Variants in AGMO observed in about 807,000 individuals in gnomAD.
AGMO encodes the protein alkylglycerol monooxygenase.
AGMO carries 75 observed loss-of-function variants against 60.2 expected under a neutral mutation model. That is an observed-to-expected ratio of 1.25 (90% CI 1.03 to 1.51). The LOEUF is 1.51. Ranked by LOEUF, AGMO falls within the 40% of genes most tolerant of loss-of-function variation. AGMO has a pLI of 0.00. For synonymous variants in AGMO, 261 were observed against 177.1 expected (o/e 1.47, Z -3.76); for missense variants, 763 against 525.5 (o/e 1.45, Z -4.42).
chr7:15,252,188 G>T (rs1007065328), intron 12 of AGMO, among the ~76,000 whole-genome samples: 6 of 152,172 alleles, frequency 3.9e-5, no homozygotes, highest in African/African-American at 1.4e-4. Context: ...TAGTATGTAA[G>T]AAGTTGGTAA....
chr7:15,419,993 G>A (rs1319813318), intron 4 of AGMO, among the ~76,000 whole-genome samples: 1 of 152,038 alleles, frequency 6.6e-6, no homozygotes, highest in African/African-American at 2.4e-5. Flanking sequence ...TATGGCCTAT[G>A]ATATAAGTCC....
chr7:15,192,187 G>A, the AGMO span, among the ~76,000 whole-genome samples: 101 of 152,016 alleles, frequency 6.6e-4, no homozygotes, highest in African/African-American at 2.2e-3. Context: ...CCTGGAAACC[G>A]TGACCCTAAA....
chr7:15,473,739 T>C (rs1353597868), intron 3 of AGMO, among the ~76,000 whole-genome samples: 2 of 151,870 alleles, frequency 1.3e-5, no homozygotes, highest in African/African-American at 2.4e-5. Context: ...AAGAAATAAA[T>C]GGTATTCAAA....
Position 15,366,144 on chromosome 7 carries a change from G to C in AGMO, c.1153C>G (p.Gln385Glu), listed in dbSNP as rs1311903124. ...TLTSIGFLLD[Q>E]RPKAAIMETL... ...TGCAAGAATTTCACTTCTTGCCTTT[G>C]ATCCAGAAGAAATCCAATGGAAGTC... Residue 385 changes from glutamine to glutamate, a missense_variant, in exon 11 of 13, where the codon CAA becomes GAA. Gln to Glu is a conservative substitution (Grantham distance 29). Coordinates refer to ENST00000342526, the MANE Select transcript of AGMO (RefSeq NM_001004320.2). 2.5e-6 allele frequency: 4 copies of C among 1,604,718 alleles called. No homozygotes were observed. Among genetic ancestry groups the C allele is most frequent in the East Asian group, 2.3e-5 (1 of 44,296 alleles).
At chr7:15,430,436 G>C (rs1440419812) in intron 4 of AGMO, among the ~76,000 whole-genome samples, 1 of 151,618 alleles carries the variant, frequency 6.6e-6, no homozygotes, top group Non-Finnish European at 1.5e-5. Flanking sequence ...TTCCCCATGA[G>C]TCAAAAGAAC....
intron 12 of AGMO, among the ~76,000 whole-genome samples, chr7:15,235,091 A>G (rs567045561): frequency 9.9e-5 from 15 of 152,200 alleles, no homozygotes; most frequent in African/African-American, 3.6e-4. Context: ...AGATTCTGCA[A>G]ATCTATAGAA....
chr7:15,354,445 CGTGTGTGT>C (rs1782417129), intron 12 of AGMO, among the ~76,000 whole-genome samples: 4 of 16,264 alleles, frequency 2.5e-4, no homozygotes, highest in Non-Finnish European at 3.6e-4. Context: ...TGTATACACA[CGTGTGTGT>C]ATACACACGT....
intron 8 of AGMO, among the ~76,000 whole-genome samples, chr7:15,388,011 G>C (rs920731356): frequency 6.6e-6 from 1 of 150,684 alleles, no homozygotes; most frequent in Non-Finnish European, 1.5e-5. Flanking sequence ...GGGTTCAAGT[G>C]ATTCTCCTGC....
At chr7:15,136,656 C>G in the AGMO span, among the ~76,000 whole-genome samples, 1 of 152,130 alleles carries the variant, frequency 6.6e-6, no homozygotes, top group Non-Finnish European at 1.5e-5. Flanking sequence ...TGTTTTCTTA[C>G]AGTTCATAAA....
At chr7:15,171,512 T>C in the AGMO span, among the ~76,000 whole-genome samples, 2 of 152,190 alleles carry the variant, frequency 1.3e-5, no homozygotes, top group African/African-American at 4.8e-5. Context: ...GGAGTTAAGC[T>C]TTATCTCCTG....
chr7:15,477,715 C>G lies in AGMO; in HGVS notation c.410-46607G>C, dbSNP rs577710066. ...TAGTTACCTCTAGAAATATTATAGC[C>G]TTGATCACCAGACACTCAAAAGTGA... On this transcript the variant is annotated intron_variant, in intron 3 of 12. Transcript: ENST00000342526. 2.1e-3 allele frequency among the ~76,000 whole-genome samples: 318 copies of G among 152,186 alleles called. 1 individual carries two copies. The highest frequency in any genetic ancestry group is 7.3e-3 in the African/African-American group (302 of 41,540).
chr7:15,475,312 C>A (rs1222971014), intron 3 of AGMO, among the ~76,000 whole-genome samples: 1 of 152,006 alleles, frequency 6.6e-6, no homozygotes, highest in Non-Finnish European at 1.5e-5. Context: ...CAATGACAGA[C>A]TGGATAAAGA....
chr7:15,335,158 A>T (rs1238858217), intron 12 of AGMO, among the ~76,000 whole-genome samples: 1 of 152,162 alleles, frequency 6.6e-6, no homozygotes, highest in African/African-American at 2.4e-5. Context: ...GTGTAAAATA[A>T]ATCAGCTGAA....
chr7:15,460,241 G>A (rs914142813), intron 3 of AGMO, among the ~76,000 whole-genome samples: 6 of 151,686 alleles, frequency 4.0e-5, no homozygotes, highest in African/African-American at 1.5e-4. Context: ...TGAGTAGCTA[G>A]GATTAAAGTC....
chr7:15,139,477 G>A, the AGMO span, among the ~76,000 whole-genome samples: 3 of 152,106 alleles, frequency 2.0e-5, no homozygotes, highest in Non-Finnish European at 1.5e-5. Flanking sequence ...TAAGCCTGGC[G>A]TTCATTAGTT....
At chr7:15,269,160 C>T (rs1245247419) in intron 12 of AGMO, among the ~76,000 whole-genome samples, 1 of 152,072 alleles carries the variant, frequency 6.6e-6, no homozygotes, top group East Asian at 1.9e-4. Flanking sequence ...GGTTGTACTC[C>T]AATAAAACTG....
At chr7:15,342,664 T>C (rs1203395322) in intron 12 of AGMO, among the ~76,000 whole-genome samples, 1 of 151,340 alleles carries the variant, frequency 6.6e-6, no homozygotes, top group Non-Finnish European at 1.5e-5. Flanking sequence ...CGCGTGTGTG[T>C]GTGTAAAAGC....
At chr7:15,148,035 A>G in the AGMO span, among the ~76,000 whole-genome samples, 1 of 152,204 alleles carries the variant, frequency 6.6e-6, no homozygotes, top group East Asian at 1.9e-4. Flanking sequence ...GCTCAGTGGT[A>G]AAGTGTATTA....
rs144961842 is a variant in AGMO, at chr7:15,515,864, T to C, written c.409+28908A>G. ...TCAAGCTGTTGATGAAGATGTTTAG[T>C]ACTGTAGACAGGGTATGTGCATAGG... On this transcript the variant is annotated intron_variant, in intron 3 of 12. Transcript: ENST00000342526. 2.9e-3 allele frequency among the ~76,000 whole-genome samples: 447 copies of C among 152,316 alleles called. 3 individuals carry two copies. The highest frequency in any genetic ancestry group is 0.01 in the African/African-American group (428 of 41,562).
Sources: allele counts gnomAD v4.1 joint callset (sites outside exome capture counted in the v4.1 genomes callset), GRCh38; gene constraint gnomAD v4.1.1; transcripts MANE v1.5; gene names NCBI Gene and HGNC (gene_info 2026-07-23, HGNC 2026-07-21).